The following IPO9 variants were observed in gnomAD, a reference collection of about 807,000 sequenced individuals.
IPO9 encodes importin 9.
In IPO9, 28 loss-of-function variants were observed where a neutral mutation model predicts 128.6. The observed-to-expected ratio is 0.22, with a 90% CI of 0.16 to 0.30. The LOEUF (loss-of-function observed/expected upper bound fraction) is 0.30, where lower values mean the gene tolerates loss of function less well. Among genes scored for constraint, IPO9 ranks in the 10% least tolerant of loss-of-function variants. The pLI, the probability that IPO9 is intolerant of heterozygous loss-of-function variation, is 1.00. For missense variants in IPO9, 935 were observed against 1,293.9 expected (o/e 0.72, Z 4.26); for synonymous variants, 455 against 475.8 (o/e 0.96, Z 0.57).
At chr1:201,856,626 CA>C in intron 10 of IPO9, among the ~76,000 whole-genome samples, 1 of 152,256 alleles carries the variant, frequency 6.6e-6, no homozygotes, top group African/African-American at 2.4e-5. Flanking sequence ...TTCTCTACAT[CA>C]AAAAGAAAAG....
intron 13 of IPO9, among the ~76,000 whole-genome samples, chr1:201,859,435 T>A (rs1490310728): frequency 6.6e-6 from 1 of 151,960 alleles, no homozygotes; most frequent in African/African-American, 2.4e-5. Flanking sequence ...AAATTGGCGT[T>A]CCCATTCATG....
intron 1 of IPO9, among the ~76,000 whole-genome samples, chr1:201,839,569 A>AAAAAAAAAAAAAAAAAAAC (rs1679999421): frequency 6.6e-6 from 1 of 150,426 alleles, no homozygotes; most frequent in Non-Finnish European, 1.5e-5. Flanking sequence ...TCAAAAAAAA[A>AAAAAAAAAAAAAAAAAAAC]AAAAAAAAAA....
chr1:201,874,578 G>A (rs992202660), intron 21 of IPO9, among the ~76,000 whole-genome samples: 1 of 152,204 alleles, frequency 6.6e-6, no homozygotes, highest in Non-Finnish European at 1.5e-5. Context: ...GCTGGGGTGG[G>A]AGGCAGCCAG....
chr1:201,855,013 T>C, intron 8 of IPO9, 90 bp downstream of exon 8: 4 of 1,329,664 alleles, frequency 3.0e-6, no homozygotes, highest in Non-Finnish European at 1.1e-6. Flanking sequence ...TCCACTCTTC[T>C]TACACAGGCT....
chr1:201,834,034 A>G (rs1679882089), intron 1 of IPO9, among the ~76,000 whole-genome samples: 1 of 151,990 alleles, frequency 6.6e-6, no homozygotes, highest in Non-Finnish European at 1.5e-5. Flanking sequence ...TGATCCTCCT[A>G]AAGTGCTGAG....
intron 11 of IPO9, among the ~76,000 whole-genome samples, chr1:201,857,699 G>A (rs1353393672): frequency 2.0e-5 from 3 of 151,730 alleles, no homozygotes; most frequent in Non-Finnish European, 2.9e-5. Flanking sequence ...GGAGGCTGAC[G>A]CAGGAGAATT....
At chr1:201,833,631 C>CA (rs1485366630) in intron 1 of IPO9, among the ~76,000 whole-genome samples, 17 of 152,128 alleles carry the variant, frequency 1.1e-4, no homozygotes, top group African/African-American at 3.9e-4. Flanking sequence ...TATTTAAAGT[C>CA]TATTTAACAG....
In IPO9 at chr1:201,868,653, G is replaced by A. The variant is rs757623300; in HGVS notation, c.1861G>A (p.Val621Ile). 3.4e-5 allele frequency: 55 copies of A among 1,613,214 alleles called. No homozygotes were observed. Among genetic ancestry groups the A allele is most frequent in the South Asian group, 7.7e-5 (7 of 90,918 alleles). ...TGTTGCCTTATCCACTTCAGATCCCGTCGTCGCCTCACTGGCTCAGGACAT... is the reference window on the plus strand; with the variant it reads ...TGTTGCCTTATCCACTTCAGATCCCATCGTCGCCTCACTGGCTCAGGACAT... ...AIFLKYSNDP[V>I]VASLAQDIFK... Residue 621 changes from valine to isoleucine, a missense_variant, in exon 16 of 24, where the codon GTC becomes ATC. By Grantham distance (29) the Val-to-Ile change is conservative. Transcript: ENST00000361565.
At chr1:201,832,075 T>C (rs1426356119) in intron 1 of IPO9, among the ~76,000 whole-genome samples, 2 of 151,426 alleles carry the variant, frequency 1.3e-5, no homozygotes, top group Non-Finnish European at 2.9e-5. Flanking sequence ...CTAATTTTTG[T>C]ATTTTTAGTA....
chr1:201,867,680 G>A (rs1680578567), intron 15 of IPO9, among the ~76,000 whole-genome samples: 8 of 151,358 alleles, frequency 5.3e-5, no homozygotes, highest in Admixed American at 5.3e-4. Flanking sequence ...TTACTTTTCT[G>A]CATTTTAAGT....
chr1:201,861,758 C>T (rs978171003), intron 13 of IPO9, among the ~76,000 whole-genome samples: 1 of 152,204 alleles, frequency 6.6e-6, no homozygotes, highest in Non-Finnish European at 1.5e-5. Flanking sequence ...AGTCTCTCCT[C>T]AGCAGCTTAT....
Position 201,858,989 on chromosome 1 carries a change from T to A in IPO9, c.1463T>A (p.Leu488His). Residue 488 changes from leucine (L) to histidine (H), a missense_variant, in exon 13 of 24, where the codon CTC becomes CAC. Transcript: ENST00000361565. ...LTNVILADLN[L>H]SVSPFLLGRA... ...AATGTCATCCTTGCAGACCTCAACC[T>A]CTCAGGTATGTTTCAGCACGTGCCA... is the stretch of plus-strand genomic sequence containing the variant. 6.2e-7 allele frequency: 1 copy of A among 1,604,170 alleles called. No individual in the cohort carries two copies. Among genetic ancestry groups the A allele is most frequent in the East Asian group, 2.2e-5 (1 of 44,538 alleles).
At chr1:201,861,483 A>G (rs1309711739) in intron 13 of IPO9, among the ~76,000 whole-genome samples, 1 of 152,206 alleles carries the variant, frequency 6.6e-6, no homozygotes, top group African/African-American at 2.4e-5. Context: ...GCCCAACTTT[A>G]CGCTAATGTA....
intron 20 of IPO9, among the ~76,000 whole-genome samples, chr1:201,873,480 G>C (rs1201052285): frequency 1.3e-5 from 2 of 151,210 alleles, no homozygotes; most frequent in Non-Finnish European, 2.9e-5. Flanking sequence ...AGGCGTGGTG[G>C]CTCACACCTG....
In IPO9 at chr1:201,868,655, C is replaced by T. The variant is rs373468539; in HGVS notation, c.1863C>T (p.Val621=). 17 of 1,613,272 alleles carry T rather than the reference C, an allele frequency of 1.1e-5. No individual in the cohort carries two copies. Among genetic ancestry groups the T allele is most frequent in the Admixed American group, 5.0e-5 (3 of 59,944 alleles). ...AIFLKYSNDP[V]VASLAQDIFK... The stretch of plus-strand genomic sequence containing the variant: ...TTGCCTTATCCACTTCAGATCCCGT[C>T]GTCGCCTCACTGGCTCAGGACATCT... Residue 621 remains valine, a synonymous_variant, in exon 16 of 24, where the codon GTC becomes GTT. Transcript: ENST00000361565.
rs1449717545 is a variant in IPO9, at chr1:201,854,567, C to T, written c.691-28C>T. The T allele has an allele frequency of 2.5e-6, 4 of 1,611,052 alleles. No homozygotes were observed. The Admixed American group carries it at 5.0e-5, about 20-fold the overall frequency. On this transcript the variant is annotated intron_variant, in intron 6 of 23. Transcript: ENST00000361565. Reference sequence around the variant, plus strand: ...TGAAGCCATGGATTAGGGGTTTGTCCAGTATTGACTTTGGTTTCTGTTATC... The same window carrying T: ...TGAAGCCATGGATTAGGGGTTTGTCTAGTATTGACTTTGGTTTCTGTTATC...
Position 201,871,166 on chromosome 1 carries a change from G to T in IPO9, c.2415G>T (p.Leu805=). 1 of 1,612,868 alleles carries T rather than the reference G, an allele frequency of 6.2e-7. No homozygotes were observed. Among genetic ancestry groups the T allele is most frequent in the Non-Finnish European group, 8.5e-7 (1 of 1,179,502 alleles). Residue 805 remains leucine, a synonymous_variant, in exon 19 of 24, where the codon CTG becomes CTT. Coordinates refer to ENST00000361565, the MANE Select transcript of IPO9 (RefSeq NM_018085.5). ...QAETLSVMQS[L]IMVFAHLVHT... is the part of the protein sequence containing the mutation. ...ATGTCCTTATTTTCTCCTAGTCCCT[G>T]ATCATGGTGTTCGCTCATCTGGTGC... is the stretch of plus-strand genomic sequence containing the variant.
At chr1:201,844,336 A>G (rs1054784276) in intron 1 of IPO9, among the ~76,000 whole-genome samples, 1 of 152,218 alleles carries the variant, frequency 6.6e-6, no homozygotes, top group African/African-American at 2.4e-5. Context: ...ACATGAGGAA[A>G]CTTTAGTCAA....
At chr1:201,871,397 T>A in intron 19 of IPO9, 70 bp downstream of exon 19, 1 of 1,101,642 alleles carries the variant, frequency 9.1e-7, no homozygotes, top group Non-Finnish European at 1.2e-6. Flanking sequence ...TTTTTTTTTT[T>A]TTTTTTTTTG....
Sources: allele counts gnomAD v4.1 joint callset (sites outside exome capture counted in the v4.1 genomes callset), GRCh38; gene constraint gnomAD v4.1.1; transcripts MANE v1.5; gene names NCBI Gene and HGNC (gene_info 2026-07-23, HGNC 2026-07-21).